AQP7B: variants seen among roughly 807,000 people sequenced by gnomAD.
AQP7B encodes aquaporin 7B, also known as putative aquaporin-7B.
chr2:94,597,026 A>T, the AQP7B span, among the ~76,000 whole-genome samples: 58 of 152,240 alleles, frequency 3.8e-4, 2 homozygotes, highest in South Asian at 0.012. Context: ...TTATTGGTTA[A>T]CAGGAGGACT....
the AQP7B span, among the ~76,000 whole-genome samples, chr2:94,592,877 G>A: frequency 7.8e-6 from 1 of 128,286 alleles, no homozygotes; most frequent in Non-Finnish European, 1.6e-5. Context: ...ACGCTGGAGT[G>A]CAGTGGTGTG....
the AQP7B span, chr2:94,603,580 G>C: frequency 8.3e-6 from 12 of 1,442,876 alleles, no homozygotes; most frequent in Non-Finnish European, 1.0e-5. Context: ...CCTCCAGATA[G>C]ACAGGACAAG....
At chr2:94,602,019 G>T in the AQP7B span, among the ~76,000 whole-genome samples, 5 of 58,220 alleles carry the variant, frequency 8.6e-5, no homozygotes, top group South Asian at 2.3e-3. Flanking sequence ...TTGCGGCGGA[G>T]TGTGTGTGTG....
the AQP7B span, chr2:94,594,675 TGAA>T: frequency 9.3e-7 from 1 of 1,073,668 alleles, no homozygotes; most frequent in Non-Finnish European, 1.4e-6. Context: ...AGCTGTGAGT[TGAA>T]GAGCCGATGG....
the AQP7B span, among the ~76,000 whole-genome samples, chr2:94,588,321 G>T: frequency 5.9e-5 from 9 of 151,900 alleles, no homozygotes; most frequent in African/African-American, 2.2e-4. Context: ...TGGGGCTCCA[G>T]GACGTCACCT....
chr2:94,602,656 T>G, the AQP7B span: 2 of 1,553,918 alleles, frequency 1.3e-6, no homozygotes, highest in East Asian at 2.3e-5. Flanking sequence ...CAAGACCAGG[T>G]GTCCCCAACA....
the AQP7B span, among the ~76,000 whole-genome samples, chr2:94,593,109 A>G: frequency 6.6e-6 from 1 of 152,112 alleles, no homozygotes; most frequent in African/African-American, 2.4e-5. Context: ...GGCGTGAGCC[A>G]CTGTGCCTGG....
the AQP7B span, among the ~76,000 whole-genome samples, chr2:94,601,022 G>A: frequency 6.6e-6 from 1 of 152,208 alleles, no homozygotes; most frequent in Non-Finnish European, 1.5e-5. Flanking sequence ...CTCCAGCCTG[G>A]GTGATAGAGC....
At chr2:94,592,868 C>T in the AQP7B span, among the ~76,000 whole-genome samples, 888 of 136,984 alleles carry the variant, frequency 6.5e-3, 13 homozygotes, top group African/African-American at 0.023. Context: ...CTGTCACCCA[C>T]GCTGGAGTGC....
the AQP7B span, chr2:94,603,592 A>G: frequency 7.2e-7 from 1 of 1,392,608 alleles, no homozygotes; most frequent in Non-Finnish European, 9.8e-7. Flanking sequence ...CAGGACAAGA[A>G]CTCTGGATGG....
the AQP7B span, chr2:94,603,023 C>T: frequency 1.9e-6 from 3 of 1,592,290 alleles, no homozygotes; most frequent in South Asian, 2.3e-5. Flanking sequence ...GACACACTTG[C>T]CTGCTGCCCG....
chr2:94,604,508 G>T, the AQP7B span: 4 of 1,610,634 alleles, frequency 2.5e-6, no homozygotes, highest in Non-Finnish European at 2.5e-6. Flanking sequence ...CGTGAGCCTT[G>T]CCAACAGATC....
the AQP7B span, among the ~76,000 whole-genome samples, chr2:94,601,771 G>T: frequency 6.6e-6 from 1 of 152,068 alleles, no homozygotes. Context: ...TGGAAGGTAT[G>T]GGGGAGACGG....
At chr2:94,603,033 G>T in the AQP7B span, 1 of 1,594,564 alleles carries the variant, frequency 6.3e-7, no homozygotes, top group Non-Finnish European at 8.6e-7. Context: ...CCTGCTGCCC[G>T]CAGGAGCCCA....
chr2:94,598,789 T>C, the AQP7B span, among the ~76,000 whole-genome samples: 2 of 152,302 alleles, frequency 1.3e-5, no homozygotes, highest in African/African-American at 4.8e-5. Context: ...GTTCATTCAC[T>C]CACCCAGTAT....
At chr2:94,594,615 C>T in the AQP7B span, 43 of 641,978 alleles carry the variant, frequency 6.7e-5, no homozygotes, top group African/African-American at 1.5e-4. Flanking sequence ...CCAGCTGCCC[C>T]GGGCAAGAGG....
At chr2:94,601,124 G>A in the AQP7B span, among the ~76,000 whole-genome samples, 6 of 152,100 alleles carry the variant, frequency 3.9e-5, no homozygotes. Context: ...CGTTTGGTTT[G>A]AGGCCATCTG....
the AQP7B span, among the ~76,000 whole-genome samples, chr2:94,598,886 T>C: frequency 6.6e-6 from 1 of 152,124 alleles, no homozygotes; most frequent in African/African-American, 2.4e-5. Context: ...AGCTCACTGC[T>C]CTGCCTCCCA....
the AQP7B span, among the ~76,000 whole-genome samples, chr2:94,593,883 A>C: frequency 6.6e-6 from 1 of 151,776 alleles, no homozygotes; most frequent in South Asian, 2.1e-4. Context: ...CCTGTTACTC[A>C]CCTGTTTCAT....
Sources: gnomAD v4.1 joint callset for allele counts (sites outside exome capture counted in the v4.1 genomes callset) on GRCh38, gnomAD v4.1.1 for gene constraint, MANE v1.5 for transcripts, NCBI Gene and HGNC (gene_info 2026-07-23, HGNC 2026-07-21) for gene names.